CLIC5: variants seen among roughly 807,000 people sequenced by gnomAD.
CLIC5 encodes CLIC family member 5, also known as chloride intracellular channel protein 5.
CLIC5 carries 20 observed loss-of-function variants against 24.7 expected under a neutral mutation model. The observed-to-expected ratio is 0.81, with a 90% CI of 0.57 to 1.18. CLIC5 has a LOEUF of 1.18. CLIC5 is among the 50% of genes most tolerant of loss of function. The pLI is 0.00. For missense variants in CLIC5, 341 were observed against 326.1 expected, an observed-to-expected ratio of 1.05 and a Z score of -0.35; for synonymous variants, 159 against 135.6, an observed-to-expected ratio of 1.17 and a Z score of -1.20.
intron 1 of CLIC5, among the ~76,000 whole-genome samples, chr6:45,987,379 T>C (rs1765778859): frequency 6.6e-6 from 1 of 152,214 alleles, no homozygotes; most frequent in African/African-American, 2.4e-5. Flanking sequence ...GAAAGAAACA[T>C]GTTGTACACA....
rs1446493409 is a variant in CLIC5 at position 45,958,447 on chromosome 6, T to TACACACACACACACACAC, written c.64-3204_64-3203insGTGTGTGTGTGTGTGTGT. ...TTATATATATATATATATATATATA[T>TACACACACACACACACAC]ATATATATATATATATATATATATA... On this transcript the variant is annotated intron_variant, in intron 1 of 5. Transcript: ENST00000339561. Among the ~76,000 whole-genome samples, 210 of 72,232 alleles carry TACACACACACACACACAC rather than the reference T, an allele frequency of 2.9e-3. 14 individuals carry two copies. The highest frequency in any genetic ancestry group is 5.0e-3 in the South Asian group (8 of 1,590). The allele number at this position is 72,232 out of a possible 152,430, so 47.4% of individuals were successfully genotyped here.
chr6:46,071,098 T>C (rs1762582764), intron 1 of CLIC5, among the ~76,000 whole-genome samples: 1 of 152,134 alleles, frequency 6.6e-6, no homozygotes, highest in Non-Finnish European at 1.5e-5. Context: ...AAGATTTAAA[T>C]GTAAAGCCCA....
chr6:45,973,544 T>C lies in CLIC5; in HGVS notation c.64-18300A>G, dbSNP rs1438918290. Among the ~76,000 whole-genome samples, 3 of 152,234 alleles carry C rather than the reference T, an allele frequency of 2.0e-5. No homozygotes were observed. In the East Asian group the frequency reaches 5.8e-4, roughly 29 times the overall value. The stretch of plus-strand genomic sequence containing the variant: ...TTTTGCCAACCAACATCCCAATATA[T>C]ATAAAATGAATTAAACCCTGTAGAT... On this transcript the variant is annotated intron_variant, in intron 1 of 5. Transcript: ENST00000339561.
rs548272104 is a variant in CLIC5 at position 45,993,023 on chromosome 6, A to G, written c.63+22457T>C. On this transcript the variant is annotated intron_variant, in intron 1 of 5. Transcript: ENST00000339561. Reference sequence around the variant, plus strand: ...AAAGCATTTTGAGATATTTGAGGAGAGGTTTCCCATCAATAACCAAGAAAG... The same window carrying G: ...AAAGCATTTTGAGATATTTGAGGAGGGGTTTCCCATCAATAACCAAGAAAG... Among the ~76,000 whole-genome samples the G allele has an allele frequency of 3.3e-5, 5 of 152,306 alleles. No homozygotes were observed. The South Asian group carries it at 1.0e-3, about 32-fold the overall frequency.
At chr6:45,919,209 C>T in intron 4 of CLIC5, 1 of 604,862 alleles carries the variant, frequency 1.7e-6, no homozygotes, top group Non-Finnish European at 2.1e-6. Context: ...GAACCTGCCC[C>T]TCCTTGCTCT....
At chr6:46,103,438 C>T in the CLIC5 span, among the ~76,000 whole-genome samples, 3 of 152,104 alleles carry the variant, frequency 2.0e-5, no homozygotes, top group African/African-American at 7.2e-5. Flanking sequence ...TTGTCTGAGG[C>T]CTTTCCTTGT....
At chr6:45,976,528 C>G (rs1765389679) in intron 1 of CLIC5, among the ~76,000 whole-genome samples, 1 of 152,196 alleles carries the variant, frequency 6.6e-6, no homozygotes, top group African/African-American at 2.4e-5. Context: ...GACATAGAAG[C>G]TTACATTTAA....
chr6:45,914,094 G>T, intron 5 of CLIC5, 134 bp downstream of exon 5: 1 of 615,618 alleles, frequency 1.6e-6, no homozygotes, highest in Non-Finnish European at 2.4e-6. Context: ...GGGTGACCTT[G>T]GGTCCTTATT....
rs370163948 is a variant in CLIC5 at position 45,972,544 on chromosome 6, G to A, written c.64-17300C>T. ...CTAAGAGGGATAGTTTTCTTGTTAG[G>A]AGGAAATTCTGGGTTGTCTGCAGCC... On this transcript the variant is annotated intron_variant, in intron 1 of 5. Coordinates refer to ENST00000339561, the MANE Select transcript of CLIC5 (RefSeq NM_016929.5). Among the ~76,000 whole-genome samples, 6 of 152,300 alleles carry A rather than the reference G, an allele frequency of 3.9e-5. No individual in the cohort carries two copies. The East Asian group carries it at 7.7e-4, about 20-fold the overall frequency.
chr6:45,912,700 T>G (rs1762863618), intron 5 of CLIC5: 1 of 1,535,368 alleles, frequency 6.5e-7, no homozygotes, highest in Admixed American at 2.0e-5. Context: ...ACAGTGTGAC[T>G]GAGCTGGAAT....
chr6:46,032,261 AACTC>A (rs1169458234), intron 1 of CLIC5, among the ~76,000 whole-genome samples: 2 of 152,090 alleles, frequency 1.3e-5, no homozygotes, highest in South Asian at 2.1e-4. Context: ...ATCTGATGAG[AACTC>A]ACTCACTATC....
At chr6:46,110,807 T>C in the CLIC5 span, among the ~76,000 whole-genome samples, 1 of 152,208 alleles carries the variant, frequency 6.6e-6, no homozygotes, top group Admixed American at 6.5e-5. Context: ...AGTCTAGTCT[T>C]AGATTCTTCA....
At position 45,984,933 on chromosome 6, in the gene CLIC5, T is replaced by C. The variant is rs1407292528; in HGVS notation, c.64-29689A>G. ...AGGGAAACAAGGTCGGTAACTGCCA[T>C]CCTTGACGTCATAGCTGCCTCACGG... On this transcript the variant is annotated intron_variant, in intron 1 of 5. Transcript: ENST00000339561. Among the ~76,000 whole-genome samples the C allele has an allele frequency of 3.3e-5, 5 of 152,316 alleles. 1 individual carries two copies. The South Asian group carries it at 6.2e-4, about 19-fold the overall frequency.
the CLIC5 span, among the ~76,000 whole-genome samples, chr6:46,100,548 C>T: frequency 3.9e-5 from 6 of 152,162 alleles, no homozygotes; most frequent in Non-Finnish European, 8.8e-5. Context: ...TGCCACTCCC[C>T]GGTCTTAGTG....
the CLIC5 span, among the ~76,000 whole-genome samples, chr6:46,109,698 A>C: frequency 6.6e-6 from 1 of 152,074 alleles, no homozygotes; most frequent in Non-Finnish European, 1.5e-5. Context: ...AGTCAAGAAA[A>C]CTTTTTCTTT....
At chr6:46,092,514 T>G in the CLIC5 span, among the ~76,000 whole-genome samples, 1 of 152,218 alleles carries the variant, frequency 6.6e-6, no homozygotes, top group Admixed American at 6.5e-5. Context: ...AAAGTATCCA[T>G]AAAACTTTAA....
At chr6:45,929,634 T>C (rs1763648401) in intron 4 of CLIC5, among the ~76,000 whole-genome samples, 1 of 152,116 alleles carries the variant, frequency 6.6e-6, no homozygotes, top group South Asian at 2.1e-4. Flanking sequence ...GACGGTCACA[T>C]GTTATCCGCA....
At chr6:46,076,846 T>A (rs972715434) in intron 1 of CLIC5, among the ~76,000 whole-genome samples, 19 of 152,232 alleles carry the variant, frequency 1.2e-4, no homozygotes, top group Admixed American at 1.2e-3. Flanking sequence ...GCAAAGTGCC[T>A]GGGAGACATG....
intron 1 of CLIC5, among the ~76,000 whole-genome samples, chr6:46,012,658 T>C (rs1766847687): frequency 6.6e-6 from 1 of 152,344 alleles, no homozygotes; most frequent in East Asian, 1.9e-4. Flanking sequence ...TCTAAACTGC[T>C]AGATTTGAGG....
Sources: gnomAD v4.1 joint callset for allele counts (sites outside exome capture counted in the v4.1 genomes callset) on GRCh38, gnomAD v4.1.1 for gene constraint, MANE v1.5 for transcripts, NCBI Gene and HGNC (gene_info 2026-07-23, HGNC 2026-07-21) for gene names.